ESRRG: variants seen among roughly 807,000 people sequenced by gnomAD.
ESRRG encodes estrogen-related receptor gamma.
A neutral mutation model predicts 44.0 loss-of-function variants in ESRRG; 13 were observed. The ratio of observed to expected loss-of-function variants is 0.30; its 90% CI spans 0.19 to 0.47. The LOEUF is 0.47. Ranked by LOEUF, ESRRG falls within the 20% of genes least tolerant of loss-of-function variation. ESRRG has a pLI of 1.00. For missense variants in ESRRG, 395 were observed against 580.6 expected, an observed-to-expected ratio of 0.68 and a Z score of 3.29; for synonymous variants, 215 against 214.6, an observed-to-expected ratio of 1.00 and a Z score of -0.02.
intron 2 of ESRRG, among the ~76,000 whole-genome samples, chr1:216,871,793 T>G (rs1357642461): frequency 6.6e-6 from 1 of 152,078 alleles, no homozygotes; most frequent in Non-Finnish European, 1.5e-5. Flanking sequence ...CATTGAAAAC[T>G]CTATCATTCA....
intron 1 of ESRRG, among the ~76,000 whole-genome samples, chr1:217,060,776 T>G (rs2088210363): frequency 9.6e-6 from 1 of 104,524 alleles, no homozygotes; most frequent in East Asian, 2.3e-4. Context: ...AAAATCAAAA[T>G]GATATTGAAC....
chr1:216,545,193 A>T (rs2054117590), intron 5 of ESRRG, among the ~76,000 whole-genome samples: 1 of 151,494 alleles, frequency 6.6e-6, no homozygotes, highest in South Asian at 2.1e-4. Context: ...GACTACAGGC[A>T]TACACCAGCA....
At chr1:217,061,857 AAT>A (rs1251187455) in intron 1 of ESRRG, among the ~76,000 whole-genome samples, 1 of 152,184 alleles carries the variant, frequency 6.6e-6, no homozygotes, top group African/African-American at 2.4e-5. Flanking sequence ...ACTAATGATA[AAT>A]ATGTCATCTA....
At chr1:216,790,682 T>C (rs1299014812) in intron 2 of ESRRG, among the ~76,000 whole-genome samples, 13 of 152,052 alleles carry the variant, frequency 8.5e-5, no homozygotes, top group Admixed American at 6.6e-4. Context: ...AGAAGGGTAA[T>C]AGGAAATAAG....
intron 2 of ESRRG, among the ~76,000 whole-genome samples, chr1:216,814,549 A>G (rs2095075152): frequency 6.6e-6 from 1 of 152,208 alleles, no homozygotes; most frequent in South Asian, 2.1e-4. Flanking sequence ...CTCATTTTCT[A>G]TGCTTTTAAA....
chr1:217,136,238 G>A (rs2093047725), intron 1 of ESRRG, among the ~76,000 whole-genome samples: 1 of 152,178 alleles, frequency 6.6e-6, no homozygotes, highest in African/African-American at 2.4e-5. Flanking sequence ...GAGTGAGTGG[G>A]AGGGAAAGGG....
At chr1:216,825,216 G>A (rs2095370082) in intron 2 of ESRRG, among the ~76,000 whole-genome samples, 1 of 152,138 alleles carries the variant, frequency 6.6e-6, no homozygotes, top group Non-Finnish European at 1.5e-5. Context: ...CCAGAGACAA[G>A]TCCTTCTTCC....
In ESRRG at chr1:216,904,073, G is replaced by C. The variant is rs182321804; in HGVS notation, c.-14+35509C>G. On this transcript the variant is annotated intron_variant, in intron 2 of 7. Transcript: ENST00000359162. Reference sequence around the variant, plus strand: ...ATAGTGCCCGTACCTACCTTGCAGGGTTGCTGTACGTATTAAAGATTATTT... The same window carrying C: ...ATAGTGCCCGTACCTACCTTGCAGGCTTGCTGTACGTATTAAAGATTATTT... Among the ~76,000 whole-genome samples the C allele has an allele frequency of 7.1e-4, 108 of 152,172 alleles. 1 individual carries two copies. Among genetic ancestry groups the C allele is most frequent in the Non-Finnish European group, 2.6e-4 (18 of 68,002 alleles).
At chr1:216,580,312 G>T (rs890162609) in intron 3 of ESRRG, among the ~76,000 whole-genome samples, 1 of 152,006 alleles carries the variant, frequency 6.6e-6, no homozygotes, top group Non-Finnish European at 1.5e-5. Flanking sequence ...TTCTTGTTTG[G>T]CGTGTTTTCT....
intron 5 of ESRRG, among the ~76,000 whole-genome samples, chr1:216,533,310 T>C (rs1430321578): frequency 6.6e-6 from 1 of 152,144 alleles, no homozygotes; most frequent in East Asian, 1.9e-4. Context: ...ACATGCTGCA[T>C]TCGCAGGATA....
At chr1:216,613,338 G>T (rs2060935227) in intron 3 of ESRRG, among the ~76,000 whole-genome samples, 1 of 152,130 alleles carries the variant, frequency 6.6e-6, no homozygotes. Flanking sequence ...CTATACCACT[G>T]CTTTAATCTC....
chr1:217,060,176 C>T (rs1199368383), intron 1 of ESRRG, among the ~76,000 whole-genome samples: 3 of 151,696 alleles, frequency 2.0e-5, no homozygotes, highest in African/African-American at 7.3e-5. Context: ...ATATACTAGC[C>T]ATGCATTGTA....
chr1:217,037,399 G>A (rs577120033), intron 1 of ESRRG, among the ~76,000 whole-genome samples: 9 of 152,254 alleles, frequency 5.9e-5, no homozygotes, highest in South Asian at 2.1e-4. Flanking sequence ...CACATCTTAC[G>A]TGGATGGCAG....
chr1:216,764,572 G>GC (rs929266096), intron 2 of ESRRG, among the ~76,000 whole-genome samples: 1 of 151,632 alleles, frequency 6.6e-6, no homozygotes, highest in Non-Finnish European at 1.5e-5. Flanking sequence ...CCCGGCCCAG[G>GC]GGGGGACTCT....
chr1:216,699,829 A>G (rs188555379), intron 1 of ESRRG, among the ~76,000 whole-genome samples: 1 of 152,340 alleles, frequency 6.6e-6, no homozygotes, highest in Non-Finnish European at 1.5e-5. Context: ...ATTAACTAAA[A>G]CTTATTGTAC....
intron 2 of ESRRG, among the ~76,000 whole-genome samples, chr1:216,655,094 A>T (rs982394880): frequency 6.6e-6 from 1 of 152,224 alleles, no homozygotes; most frequent in African/African-American, 2.4e-5. Flanking sequence ...TCTATCCATT[A>T]CATTCTGTAA....
intron 6 of ESRRG, among the ~76,000 whole-genome samples, chr1:216,514,678 T>C (rs979938025): frequency 4.6e-5 from 7 of 152,112 alleles, no homozygotes; most frequent in African/African-American, 1.7e-4. Flanking sequence ...AGCTCATTGA[T>C]AGCAAAGGAC....
chr1:216,721,077 T>C (rs2086161530), intron 1 of ESRRG, among the ~76,000 whole-genome samples: 1 of 152,250 alleles, frequency 6.6e-6, no homozygotes, highest in African/African-American at 2.4e-5. Flanking sequence ...CTATTTATGC[T>C]ATCAGCTATT....
At chr1:216,827,729 T>C (rs1271332622) in intron 2 of ESRRG, among the ~76,000 whole-genome samples, 1 of 152,158 alleles carries the variant, frequency 6.6e-6, no homozygotes, top group East Asian at 1.9e-4. Context: ...GTAGGATGTA[T>C]GGATAAAATG....
Sources: allele counts gnomAD v4.1 joint callset (sites outside exome capture counted in the v4.1 genomes callset), GRCh38; gene constraint gnomAD v4.1.1; transcripts MANE v1.5; gene names NCBI Gene and HGNC (gene_info 2026-07-23, HGNC 2026-07-21).